The following SMAD2 variants were observed in gnomAD, a reference collection of about 807,000 sequenced individuals.
SMAD2 encodes MAD homolog 2.
A neutral mutation model predicts 64.4 loss-of-function variants in SMAD2; 8 were observed. The ratio of observed to expected loss-of-function variants is 0.12; its 90% CI spans 0.07 to 0.22. The LOEUF (loss-of-function observed/expected upper bound fraction) is 0.22, where lower values mean the gene tolerates loss of function less well. Ranked by LOEUF, SMAD2 falls within the 10% of genes least tolerant of loss-of-function variation. The pLI, the probability that SMAD2 is intolerant of heterozygous loss-of-function variation, is 1.00. For synonymous variants in SMAD2, 203 were observed against 195.8 expected, an observed-to-expected ratio of 1.04 and a Z score of -0.31; for missense variants, 289 against 561.2, an observed-to-expected ratio of 0.51 and a Z score of 4.90.
In SMAD2 at chr18:47,829,844, AAAG is replaced by A. The variant is rs1194113754; in HGVS notation, c.*11980_*11982del. 6 of 152,252 alleles carry A rather than the reference AAAG, an allele frequency of 3.9e-5. No homozygotes were observed. Among genetic ancestry groups the A allele is most frequent in the African/African-American group, 1.4e-4 (6 of 41,466 alleles). The allele number at this position is 152,252 out of a possible 1,614,324, so 9.4% of individuals were successfully genotyped here. On this transcript the variant is annotated 3_prime_UTR_variant, in exon 11 of 11. Coordinates refer to ENST00000262160, the MANE Select transcript of SMAD2 (RefSeq NM_005901.6). ...TTAAGCATCTGAATTCCGAAATGAT[AAAG>A]AACAGGAAAATAATGACTAAGCTAA...
At position 47,822,434 on chromosome 18, in the gene SMAD2, AACT is replaced by A. The variant is rs1386838959; in HGVS notation, c.*19390_*19392del. On this transcript the variant is annotated 3_prime_UTR_variant, in exon 11 of 11. Coordinates refer to ENST00000262160, the MANE Select transcript of SMAD2 (RefSeq NM_005901.6). ...CTTCAAGAAACTGATGAGTCCATGT[AACT>A]ACTAATTAAGATCAACCACAACAAA... The A allele has an allele frequency of 6.6e-6, 1 of 152,252 alleles. No individual in the cohort carries two copies. Among genetic ancestry groups the A allele is most frequent in the African/African-American group, 2.4e-5 (1 of 41,480 alleles). The allele number at this position is 152,252 out of a possible 1,614,324, so 9.4% of individuals were successfully genotyped here.
intron 2 of SMAD2, among the ~76,000 whole-genome samples, chr18:47,891,175 C>T (rs1364452268): frequency 6.6e-6 from 1 of 152,116 alleles, no homozygotes; most frequent in Non-Finnish European, 1.5e-5. Flanking sequence ...CATGGTGGCG[C>T]ATGCCTATAA....
intron 8 of SMAD2, among the ~76,000 whole-genome samples, chr18:47,848,232 C>A (rs977544788): frequency 6.6e-6 from 1 of 152,110 alleles, no homozygotes; most frequent in African/African-American, 2.4e-5. Flanking sequence ...TATCTTAACA[C>A]ATATTTATTG....
At chr18:47,866,316 CAAAAAA>C (rs34302955) in intron 5 of SMAD2, among the ~76,000 whole-genome samples, 3 of 42,096 alleles carry the variant, frequency 7.1e-5, no homozygotes, top group African/African-American at 2.0e-4. Flanking sequence ...AACACCGTCT[CAAAAAA>C]AAAAAAAAAA....
chr18:47,904,590 T>TTTA (rs2033829522), intron 1 of SMAD2, among the ~76,000 whole-genome samples: 1 of 152,024 alleles, frequency 6.6e-6, no homozygotes, highest in African/African-American at 2.4e-5. Flanking sequence ...CCCGTACTAA[T>TTTA]ACACAGCAAA....
intron 6 of SMAD2, among the ~76,000 whole-genome samples, chr18:47,859,088 T>C (rs796084005): frequency 4.6e-5 from 7 of 152,152 alleles, no homozygotes; most frequent in African/African-American, 1.7e-4. Flanking sequence ...AAAGAAGATA[T>C]GGTGATGTTA....
chr18:47,909,163 T>G (rs1365313790), intron 1 of SMAD2, among the ~76,000 whole-genome samples: 1 of 152,112 alleles, frequency 6.6e-6, no homozygotes, highest in Admixed American at 6.5e-5. Context: ...ACTTTTGATC[T>G]CATATTGAAA....
chr18:47,903,795 C>T (rs1054355279), intron 1 of SMAD2, among the ~76,000 whole-genome samples: 2 of 139,486 alleles, frequency 1.4e-5, no homozygotes, highest in African/African-American at 5.3e-5. Flanking sequence ...ATTAGATGGG[C>T]TTAACAGAAA....
At chr18:47,916,476 G>A (rs779905875) in intron 1 of SMAD2, among the ~76,000 whole-genome samples, 7 of 152,234 alleles carry the variant, frequency 4.6e-5, no homozygotes, top group Non-Finnish European at 1.0e-4. Flanking sequence ...GAGTGCAGTG[G>A]CACGATCTTG....
At position 47,823,585 on chromosome 18, in the gene SMAD2, G is replaced by A. The variant is rs928394597; in HGVS notation, c.*18242C>T. The A allele has an allele frequency of 2.6e-5, 4 of 152,192 alleles. No homozygotes were observed. The highest frequency in any genetic ancestry group is 5.9e-5 in the Non-Finnish European group (4 of 68,018). The allele number at this position is 152,192 out of a possible 1,614,324, so 9.4% of individuals were successfully genotyped here. ...TTTTTAAAGGAGCAAGTCTCATGCT[G>A]ATGTATGGGTCACACAAAAGTTCAC... On this transcript the variant is annotated 3_prime_UTR_variant, in exon 11 of 11. Coordinates refer to ENST00000262160, the MANE Select transcript of SMAD2 (RefSeq NM_005901.6).
At chr18:47,855,673 G>A (rs775852258) in intron 6 of SMAD2, among the ~76,000 whole-genome samples, 6 of 151,982 alleles carry the variant, frequency 3.9e-5, no homozygotes, top group Admixed American at 1.3e-4. Context: ...CCAGGTTGGA[G>A]GGCAGTGTCA....
At chr18:47,914,534 A>C (rs1458241811) in intron 1 of SMAD2, among the ~76,000 whole-genome samples, 1 of 152,192 alleles carries the variant, frequency 6.6e-6, no homozygotes, top group Non-Finnish European at 1.5e-5. Flanking sequence ...TTTCATATTA[A>C]GTTTCTAAAA....
rs34177639 is a variant in SMAD2 at position 47,910,171 on chromosome 18, GAAA to G, written c.-53-13365_-53-13363del. 1.1e-4 allele frequency among the ~76,000 whole-genome samples: 16 copies of G among 141,282 alleles called. No homozygotes were observed. The East Asian group carries it at 2.2e-3, about 20-fold the overall frequency. 92.7% of individuals were successfully genotyped at this position (141,282 alleles called of 152,430 possible). On this transcript the variant is annotated intron_variant, in intron 1 of 10. Coordinates refer to ENST00000262160, the MANE Select transcript of SMAD2 (RefSeq NM_005901.6). ...GAAATCATAAGAGATTGTGGATATG[GAAA>G]AAAAAAAAAAAAAGTGGGGAGTGAA...
intron 2 of SMAD2, among the ~76,000 whole-genome samples, chr18:47,883,562 T>C (rs537997379): frequency 3.3e-5 from 5 of 152,352 alleles, no homozygotes; most frequent in Admixed American, 1.3e-4. Flanking sequence ...TTTGTTCTAA[T>C]TGAACTCTCC....
At chr18:47,855,666 G>A (rs1286277703) in intron 6 of SMAD2, among the ~76,000 whole-genome samples, 1 of 152,032 alleles carries the variant, frequency 6.6e-6, no homozygotes, top group African/African-American at 2.4e-5. Context: ...CTGTCACCCA[G>A]GTTGGAGGGC....
chr18:47,836,921 G>C lies in SMAD2; in HGVS notation c.*4906C>G. ...AAAATTGAAAAGGAAGATATAAAAA[G>C]AACTCAATAGCAGGATTCTGACTAC... On this transcript the variant is annotated 3_prime_UTR_variant, in exon 11 of 11. Coordinates refer to ENST00000262160, the MANE Select transcript of SMAD2 (RefSeq NM_005901.6). 4.7e-6 allele frequency: 1 copy of C among 210,620 alleles called. No homozygotes were observed. The allele number at this position is 210,620 out of a possible 1,614,324, so 13.0% of individuals were successfully genotyped here.
intron 1 of SMAD2, among the ~76,000 whole-genome samples, chr18:47,925,817 G>A (rs2034739126): frequency 6.6e-6 from 1 of 151,142 alleles, no homozygotes; most frequent in African/African-American, 2.4e-5. Flanking sequence ...GTAACCCTGA[G>A]GTAAGGTTAC....
At position 47,870,371 on chromosome 18, in the gene SMAD2, A is replaced by C. The variant is rs186308292; in HGVS notation, c.326+104T>G. ...TGCTATGCCTTATTTTACATTAAGG[A>C]AACATCCTAGGCAAAATTATACTAA... is the stretch of plus-strand genomic sequence containing the variant. On this transcript the variant is annotated intron_variant, in intron 3 of 10. Coordinates refer to ENST00000262160, the MANE Select transcript of SMAD2 (RefSeq NM_005901.6). 3.1e-4 allele frequency: 254 copies of C among 816,386 alleles called. 5 individuals carry two copies. The Admixed American group carries it at 4.4e-3, about 14-fold the overall frequency. The allele number at this position is 816,386 out of a possible 1,614,324, so 50.6% of individuals were successfully genotyped here. A position where few individuals can be genotyped will look rare whatever the true frequency, so the allele number is the denominator to read the frequency against.
intron 6 of SMAD2, among the ~76,000 whole-genome samples, chr18:47,861,564 T>C (rs545823610): frequency 2.2e-4 from 33 of 152,334 alleles, no homozygotes; most frequent in African/African-American, 7.2e-4. Flanking sequence ...ATTTATCTAA[T>C]GAAAGACATG....
Sources: allele counts gnomAD v4.1 joint callset (sites outside exome capture counted in the v4.1 genomes callset), GRCh38; gene constraint gnomAD v4.1.1; transcripts MANE v1.5; gene names NCBI Gene and HGNC (gene_info 2026-07-23, HGNC 2026-07-21).